The following SLC35F1 variants were observed in gnomAD, a reference collection of about 807,000 sequenced individuals.
SLC35F1 encodes solute carrier family 35 member F1.
A neutral mutation model predicts 48.7 loss-of-function variants in SLC35F1; 14 were observed. The ratio of observed to expected loss-of-function variants is 0.29; its 90% CI spans 0.19 to 0.45. The LOEUF is 0.45. SLC35F1 is among the 20% of genes least tolerant of loss of function. The pLI is 1.00. For missense variants in SLC35F1, 404 were observed against 500.0 expected (o/e 0.81, Z 1.83); for synonymous variants, 190 against 202.2 (o/e 0.94, Z 0.51).
At chr6:118,204,487 C>G (rs893468273) in intron 2 of SLC35F1, among the ~76,000 whole-genome samples, 1 of 152,116 alleles carries the variant, frequency 6.6e-6, no homozygotes, top group Non-Finnish European at 1.5e-5. Context: ...AGCATATCTT[C>G]TCGTAATTTC....
At chr6:117,975,730 C>G (rs953157553) in intron 1 of SLC35F1, among the ~76,000 whole-genome samples, 3 of 152,136 alleles carry the variant, frequency 2.0e-5, no homozygotes, top group Admixed American at 2.0e-4. Flanking sequence ...AAGTTGTAGT[C>G]TGTATTCTAA....
chr6:118,196,532 G>A (rs1460462543), intron 2 of SLC35F1, among the ~76,000 whole-genome samples: 3 of 151,814 alleles, frequency 2.0e-5, no homozygotes, highest in Non-Finnish European at 1.5e-5. Context: ...CCTGGCCAAC[G>A]TGGTGAAATC....
chr6:118,250,755 CTT>C (rs1295428578), intron 3 of SLC35F1, among the ~76,000 whole-genome samples: 4 of 151,506 alleles, frequency 2.6e-5, no homozygotes, highest in Admixed American at 2.6e-4. Flanking sequence ...GGGTGGATAA[CTT>C]CAGGTCAGGA....
intron 1 of SLC35F1, among the ~76,000 whole-genome samples, chr6:118,137,700 TGGTCCTTA>T (rs1773817322): frequency 6.6e-6 from 1 of 152,228 alleles, no homozygotes; most frequent in African/African-American, 2.4e-5. Context: ...CTGGAAGCCC[TGGTCCTTA>T]GGATACACCT....
chr6:118,209,307 T>C (rs115872738), intron 2 of SLC35F1, among the ~76,000 whole-genome samples: 2,095 of 152,314 alleles, frequency 0.014, 55 homozygotes, highest in African/African-American at 0.047. Flanking sequence ...GCCTGTCTTT[T>C]GGTATAGGAG....
chr6:117,976,338 T>C (rs945428002), intron 1 of SLC35F1, among the ~76,000 whole-genome samples: 2 of 152,216 alleles, frequency 1.3e-5, no homozygotes, highest in African/African-American at 4.8e-5. Context: ...AAACTGCTAA[T>C]TGGCTTTCTT....
chr6:118,306,955 T>C (rs1187160896), intron 7 of SLC35F1, among the ~76,000 whole-genome samples: 1 of 152,228 alleles, frequency 6.6e-6, no homozygotes, highest in East Asian at 1.9e-4. Context: ...GCACAAATTA[T>C]ACTGCCAAAT....
At position 118,235,481 on chromosome 6, in the gene SLC35F1, C is replaced by A. The variant is rs202084054; in HGVS notation, c.350-28C>A. 1.7e-5 allele frequency: 28 copies of A among 1,603,840 alleles called. No homozygotes were observed. In the Admixed American group the frequency reaches 3.4e-4, roughly 19 times the overall value. ...AATTTATTCTATTTCAGGAACCTAA[C>A]CCATTTCTTCTTAACTTTGTAACAC... On this transcript the variant is annotated intron_variant, in intron 2 of 7. Coordinates refer to ENST00000360388, the MANE Select transcript of SLC35F1 (RefSeq NM_001029858.4).
At position 118,203,479 on chromosome 6, in the gene SLC35F1, TTC is replaced by T. The variant is rs1482684836; in HGVS notation, c.350-32023_350-32022del. ...GCTGTAGTCTCTTTCTATTATTTTA[TTC>T]TCTCTCCTTTCAGGAGGGCCCTTCA... On this transcript the variant is annotated intron_variant, in intron 2 of 7. Coordinates refer to ENST00000360388, the MANE Select transcript of SLC35F1 (RefSeq NM_001029858.4). Among the ~76,000 whole-genome samples the T allele has an allele frequency of 2.6e-5, 4 of 152,352 alleles. No individual in the cohort carries two copies. In the East Asian group the frequency reaches 7.7e-4, roughly 29 times the overall value.
intron 4 of SLC35F1, among the ~76,000 whole-genome samples, chr6:118,272,788 G>A (rs1403881705): frequency 7.3e-6 from 1 of 137,574 alleles, no homozygotes; most frequent in African/African-American, 2.9e-5. Flanking sequence ...CCATTTTTTA[G>A]CATAGAAATT....
intron 1 of SLC35F1, among the ~76,000 whole-genome samples, chr6:117,923,720 T>TATATGTACATATACAC (rs1775963467): frequency 3.4e-4 from 2 of 5,876 alleles, no homozygotes; most frequent in Non-Finnish European, 6.4e-4. Context: ...CATATATACA[T>TATATGTACATATACAC]ATATACATAT....
At chr6:117,924,629 A>G (rs913444211) in intron 1 of SLC35F1, among the ~76,000 whole-genome samples, 3 of 150,604 alleles carry the variant, frequency 2.0e-5, no homozygotes, top group African/African-American at 7.4e-5. Flanking sequence ...CAAATGTAAC[A>G]CCTTGAGGAG....
chr6:118,289,670 A>G (rs1776093954), intron 7 of SLC35F1, among the ~76,000 whole-genome samples: 1 of 152,104 alleles, frequency 6.6e-6, no homozygotes, highest in Admixed American at 6.5e-5. Context: ...TAATGTCTCT[A>G]TATTATATAA....
chr6:118,236,299 A>G (rs1775364654), intron 3 of SLC35F1, among the ~76,000 whole-genome samples: 1 of 152,182 alleles, frequency 6.6e-6, no homozygotes, highest in East Asian at 1.9e-4. Context: ...TTTTTGACAG[A>G]CATATATATT....
At chr6:118,187,355 C>T (rs1381700021) in intron 2 of SLC35F1, among the ~76,000 whole-genome samples, 1 of 152,172 alleles carries the variant, frequency 6.6e-6, no homozygotes, top group African/African-American at 2.4e-5. Flanking sequence ...GCCCCCTTCC[C>T]TCAGATGTAA....
intron 6 of SLC35F1, among the ~76,000 whole-genome samples, chr6:118,284,573 T>C (rs1776027557): frequency 6.6e-6 from 1 of 152,146 alleles, no homozygotes; most frequent in Non-Finnish European, 1.5e-5. Context: ...AAGGGCAGGA[T>C]TCTGTGTGTT....
chr6:118,105,290 T>C (rs1049845951), intron 1 of SLC35F1, among the ~76,000 whole-genome samples: 1 of 152,198 alleles, frequency 6.6e-6, no homozygotes, highest in African/African-American at 2.4e-5. Flanking sequence ...TAAGTAAAGT[T>C]ATAATGGATG....
At chr6:118,239,554 GT>G (rs1034499168) in intron 3 of SLC35F1, among the ~76,000 whole-genome samples, 17 of 150,850 alleles carry the variant, frequency 1.1e-4, no homozygotes, top group African/African-American at 2.7e-4. Context: ...AGTTCAGTGA[GT>G]TTTTTTTTAA....
chr6:118,130,936 AT>A (rs1773700899), intron 1 of SLC35F1, among the ~76,000 whole-genome samples: 2 of 152,328 alleles, frequency 1.3e-5, no homozygotes, highest in South Asian at 4.1e-4. Context: ...GAAATTTTTC[AT>A]GCAATTACTT....
Sources: gnomAD v4.1 joint callset for allele counts (sites outside exome capture counted in the v4.1 genomes callset) on GRCh38, gnomAD v4.1.1 for gene constraint, MANE v1.5 for transcripts, NCBI Gene and HGNC (gene_info 2026-07-23, HGNC 2026-07-21) for gene names.